KCNH5: variants seen among roughly 807,000 people sequenced by gnomAD.
KCNH5 encodes the protein voltage-gated delayed rectifier potassium channel KCNH5.
A neutral mutation model predicts 96.1 loss-of-function variants in KCNH5; 46 were observed. The observed-to-expected ratio is 0.48, with a 90% confidence interval of 0.38 to 0.61. The LOEUF (loss-of-function observed/expected upper bound fraction) is 0.61. Among genes scored for constraint, KCNH5 ranks in the 20% least tolerant of loss-of-function variants. The probability of loss-of-function intolerance (pLI) is 0.00; values close to 1 mark genes in which losing one functional copy is unlikely to be tolerated. For missense variants in KCNH5, 907 were observed against 1,225.8 expected (o/e 0.74, Z 3.88); for synonymous variants, 439 against 449.8 (o/e 0.98, Z 0.30).
chr14:62,732,524 T>C (rs1885072152), intron 10 of KCNH5, among the ~76,000 whole-genome samples: 1 of 152,046 alleles, frequency 6.6e-6, no homozygotes, highest in African/African-American at 2.4e-5. Flanking sequence ...AACTCAATTG[T>C]TTCCTTTAAA....
chr14:62,968,891 C>T (rs1246759109), intron 6 of KCNH5, among the ~76,000 whole-genome samples: 1 of 152,090 alleles, frequency 6.6e-6, no homozygotes, highest in Non-Finnish European at 1.5e-5. Context: ...ACCTGAAGTA[C>T]AATTAAAGGA....
chr14:62,748,210 G>A (rs1276448443), intron 10 of KCNH5, among the ~76,000 whole-genome samples: 1 of 152,112 alleles, frequency 6.6e-6, no homozygotes, highest in African/African-American at 2.4e-5. Context: ...AGTAAAAGGA[G>A]GCACGCATCC....
chr14:62,809,017 A>G (rs1488486342), intron 8 of KCNH5, among the ~76,000 whole-genome samples: 1 of 152,134 alleles, frequency 6.6e-6, no homozygotes, highest in Admixed American at 6.6e-5. Context: ...TATCAAACAG[A>G]ACAGGAGTTA....
At chr14:62,914,286 G>T (rs1330463288) in intron 7 of KCNH5, among the ~76,000 whole-genome samples, 1 of 152,012 alleles carries the variant, frequency 6.6e-6, no homozygotes, top group Non-Finnish European at 1.5e-5. Context: ...ATATTTTCTG[G>T]AAGCCCCAAA....
Position 63,016,854 on chromosome 14 carries a change from G to T in KCNH5, c.174C>A (p.Val58=), listed in dbSNP as rs938893274. The T allele has an allele frequency of 6.2e-7, 1 of 1,610,622 alleles. No homozygotes were observed. The highest frequency in any genetic ancestry group is 1.3e-5 in the African/African-American group (1 of 74,718). ...ACCTGCAAGTGCTGCTTTTCTGCAT[G>T]ACGTCAGCTCGATGATATCCAGAGA... ...CKLSGYHRAD[V]MQKSSTCSFM... is the part of the protein sequence containing the mutation. The change falls in exon 2 of 11, where the codon GTC becomes GTA. Residue 58 remains valine (V), a synonymous_variant. Transcript: ENST00000322893.
In KCNH5 at chr14:62,985,512, A is replaced by C. The variant is rs542720435; in HGVS notation, c.549+1560T>G. Reference sequence around the variant, plus strand: ...GATTTTATCTTTCTCTTTTTTGGTAAAAGTTACCTGAGAATATTTTGTGAG... The same window carrying C: ...GATTTTATCTTTCTCTTTTTTGGTACAAGTTACCTGAGAATATTTTGTGAG... On this transcript the variant is annotated intron_variant, in intron 5 of 10. Coordinates refer to ENST00000322893, the MANE Select transcript of KCNH5 (RefSeq NM_139318.5). Among the ~76,000 whole-genome samples, 3 of 152,334 alleles carry C rather than the reference A, an allele frequency of 2.0e-5. No homozygotes were observed. In the South Asian group the frequency reaches 6.2e-4, roughly 32 times the overall value.
chr14:62,729,361 C>T (rs1017513727), intron 10 of KCNH5, among the ~76,000 whole-genome samples: 4 of 152,132 alleles, frequency 2.6e-5, no homozygotes, highest in Admixed American at 2.0e-4. Context: ...ATAATTATTC[C>T]AGGACTACAG....
chr14:62,766,878 AC>A lies in KCNH5; in HGVS notation c.2019+12849del, dbSNP rs1186289277. The stretch of plus-strand genomic sequence containing the variant: ...AGGATGAATACTTGAGGGGATGGAT[AC>A]CCCATTCTCCATGATATGATTATTT... On this transcript the variant is annotated intron_variant, in intron 10 of 10. Transcript: ENST00000322893. 7.2e-5 allele frequency among the ~76,000 whole-genome samples: 11 copies of A among 152,218 alleles called. No homozygotes were observed. In the South Asian group the frequency reaches 2.3e-3, roughly 32 times the overall value.
chr14:62,998,195 G>C (rs559599463), intron 4 of KCNH5, among the ~76,000 whole-genome samples: 7 of 152,196 alleles, frequency 4.6e-5, no homozygotes, highest in Non-Finnish European at 8.8e-5. Flanking sequence ...TTTTCCTTCT[G>C]TAAGTTTTGG....
chr14:62,872,920 G>T (rs1402838794), intron 7 of KCNH5, among the ~76,000 whole-genome samples: 1 of 152,148 alleles, frequency 6.6e-6, no homozygotes, highest in Admixed American at 6.5e-5. Context: ...GGAGGCCAAG[G>T]CTGGTGGATC....
chr14:62,812,924 C>T (rs1031656198), intron 8 of KCNH5, among the ~76,000 whole-genome samples: 1 of 152,044 alleles, frequency 6.6e-6, no homozygotes, highest in Non-Finnish European at 1.5e-5. Context: ...AAATTTCAAT[C>T]CTTGTACAAT....
intron 7 of KCNH5, among the ~76,000 whole-genome samples, chr14:62,917,731 C>T (rs1204292198): frequency 1.3e-5 from 2 of 152,156 alleles, no homozygotes; most frequent in Non-Finnish European, 2.9e-5. Context: ...ACTACTTGGA[C>T]ATCATCCTCT....
chr14:63,044,819 C>CT (rs201518174), intron 1 of KCNH5, among the ~76,000 whole-genome samples: 228 of 152,314 alleles, frequency 1.5e-3, no homozygotes, highest in Non-Finnish European at 2.7e-3. Context: ...AAACTCAACT[C>CT]TATGTTCCAG....
chr14:62,905,083 C>A (rs1889001224), intron 7 of KCNH5, among the ~76,000 whole-genome samples: 2 of 152,186 alleles, frequency 1.3e-5, no homozygotes, highest in Admixed American at 6.5e-5. Flanking sequence ...GTCACCAAGC[C>A]ACGCTTCAGG....
intron 8 of KCNH5, among the ~76,000 whole-genome samples, chr14:62,818,119 G>GGGGGA (rs1197195908): frequency 2.2e-5 from 2 of 92,662 alleles, no homozygotes; most frequent in Non-Finnish European, 4.3e-5. Context: ...CGGGGGGGGG[G>GGGGGA]TGGAAGAAAT....
Position 62,911,722 on chromosome 14 carries a change from CT to C in KCNH5, c.1369+38410del, listed in dbSNP as rs556151079. Among the ~76,000 whole-genome samples the C allele has an allele frequency of 6.7e-3, 952 of 142,492 alleles. 1 individual carries two copies. The highest frequency in any genetic ancestry group is 9.7e-3 in the African/African-American group (381 of 39,098). The allele number at this position is 142,492 out of a possible 152,430, so 93.5% of individuals were successfully genotyped here. A position where few individuals can be genotyped will look rare whatever the true frequency, so the allele number is the denominator to read the frequency against. On this transcript the variant is annotated intron_variant, in intron 7 of 10. Transcript: ENST00000322893. ...TTACTGGAGGAAGGCTTTTAACTAGCTTTTTTTTTTTTTAACTCAAAAACTG... is the reference window on the plus strand; with the variant it reads ...TTACTGGAGGAAGGCTTTTAACTAGCTTTTTTTTTTTTAACTCAAAAACTG...
intron 10 of KCNH5, among the ~76,000 whole-genome samples, chr14:62,726,036 C>T (rs966523047): frequency 9.9e-5 from 15 of 152,166 alleles, no homozygotes; most frequent in Admixed American, 5.9e-4. Context: ...GATAATACTG[C>T]AGTACACAGG....
chr14:62,923,789 T>G (rs921831591), intron 7 of KCNH5, among the ~76,000 whole-genome samples: 7 of 151,902 alleles, frequency 4.6e-5, no homozygotes, highest in African/African-American at 1.4e-4. Flanking sequence ...AAATTGGGAC[T>G]TCATCTCACA....
intron 2 of KCNH5, among the ~76,000 whole-genome samples, chr14:63,008,064 T>C (rs1490431653): frequency 2.0e-5 from 3 of 152,126 alleles, no homozygotes; most frequent in African/African-American, 4.8e-5. Context: ...AGACCATTTC[T>C]TCCACCAGGA....
Sources: gnomAD v4.1 joint callset for allele counts (sites outside exome capture counted in the v4.1 genomes callset) on GRCh38, gnomAD v4.1.1 for gene constraint, MANE v1.5 for transcripts, NCBI Gene and HGNC (gene_info 2026-07-23, HGNC 2026-07-21) for gene names.